ATP13A3: variants seen among roughly 807,000 people sequenced by gnomAD.
ATP13A3 encodes polyamine-transporting ATPase 13A3.
A neutral mutation model predicts 158.1 loss-of-function variants in ATP13A3; 59 were observed. The observed-to-expected ratio is 0.37, with a 90% CI of 0.30 to 0.46. ATP13A3 has a LOEUF of 0.46. Ranked by LOEUF, ATP13A3 falls within the 20% of genes least tolerant of loss-of-function variation. The pLI, the probability that ATP13A3 is intolerant of heterozygous loss-of-function variation, is 1.00. For synonymous variants in ATP13A3, 491 were observed against 504.3 expected (o/e 0.97, Z 0.35); for missense variants, 1,166 against 1,525.2 (o/e 0.76, Z 3.92).
intron 3 of ATP13A3, 60 bp from the exon 4 acceptor site, chr3:194,460,891 AAC>A (rs1295816016): frequency 6.6e-7 from 1 of 1,513,978 alleles, no homozygotes; most frequent in African/African-American, 1.4e-5. Context: ...ATGGCAGAGA[AAC>A]ACATTCCAAA....
intron 2 of ATP13A3, among the ~76,000 whole-genome samples, chr3:194,468,505 T>G (rs1432582519): frequency 1.3e-5 from 2 of 152,100 alleles, no homozygotes; most frequent in African/African-American, 2.4e-5. Flanking sequence ...ATGTAATTAC[T>G]ACAAACAATT....
At position 194,454,395 on chromosome 3, in the gene ATP13A3, A is replaced by G. The variant is rs1271675849; in HGVS notation, c.631-3T>C. On this transcript the variant is annotated splice_region_variant and splice_polypyrimidine_tract_variant and intron_variant, in intron 8 of 33. Coordinates refer to ENST00000645319, the MANE Select transcript of ATP13A3 (RefSeq NM_001367549.1). ...AAAATGTAAAATGGGTTGAGAACCT[A>G]AAAAACAAGATTTTAAAGTCAAACT... 7 of 1,607,886 alleles carry G rather than the reference A, an allele frequency of 4.4e-6. No homozygotes were observed. The South Asian group carries it at 6.6e-5, about 15-fold the overall frequency.
At chr3:194,467,476 T>G (rs1720064318) in intron 2 of ATP13A3, among the ~76,000 whole-genome samples, 1 of 152,216 alleles carries the variant, frequency 6.6e-6, no homozygotes, top group South Asian at 2.1e-4. Flanking sequence ...AGTTGTTTTT[T>G]AAAGCAAATT....
rs747418439 is a variant in ATP13A3 at position 194,431,040 on chromosome 3, A to C, written c.2545-18T>G. The stretch of plus-strand genomic sequence containing the variant: ...AACATCAACTGGAAACAATAATACA[A>C]ATTTTTTTAAAATACTGTTGCGATG... On this transcript the variant is annotated intron_variant, in intron 23 of 33. Coordinates refer to ENST00000645319, the MANE Select transcript of ATP13A3 (RefSeq NM_001367549.1). 5 of 1,613,366 alleles carry C rather than the reference A, an allele frequency of 3.1e-6. No individual in the cohort carries two copies. The African/African-American group carries it at 6.7e-5, about 22-fold the overall frequency.
At chr3:194,412,380 A>C in intron 32 of ATP13A3, 92 bp from the exon 33 acceptor site, 1 of 937,886 alleles carries the variant, frequency 1.1e-6, no homozygotes, top group Non-Finnish European at 1.6e-6. Flanking sequence ...ATGCTGCATA[A>C]TTGATGAAAA....
At chr3:194,488,418 A>T (rs1307299356), upstream of ATP13A3, 4 of 152,320 alleles carry the variant, frequency 2.6e-5, no homozygotes, top group Non-Finnish European at 5.9e-5. The surrounding 1 kb of genome is among the most constrained non-coding windows in gnomAD (Gnocchi z 4.1). Context: ...CCTCCTCCTG[A>T]AGTGCTCCCT....
chr3:194,440,573 T>C (rs967792347), intron 16 of ATP13A3, among the ~76,000 whole-genome samples: 5 of 152,144 alleles, frequency 3.3e-5, no homozygotes, highest in South Asian at 2.1e-4. Context: ...AGGGTAAAAT[T>C]TGAAGTAGCT....
chr3:194,459,901 G>A lies in ATP13A3; in HGVS notation c.296C>T (p.Pro99Leu). Residue 99 changes from proline (P) to leucine (L), a missense_variant, in exon 5 of 34, where the codon CCA becomes CTA. Pro to Leu is a moderately conservative substitution (Grantham distance 98). Around this residue, in one of 3 missense-constraint regions of ATP13A3, gnomAD observed 104 missense variants for 91.7 expected, o/e 1.13. Transcript: ENST00000645319. The stretch of plus-strand genomic sequence containing the variant: ...TGAAAGCTTATTAGACATAGATTTT[G>A]GACTTGAAACTGGGTAAGTTTCCAA... ...LSLETYPVSS[P>L]KSMSNKLSNG... The A allele has an allele frequency of 6.2e-7, 1 of 1,613,094 alleles. No individual in the cohort carries two copies. The highest frequency in any genetic ancestry group is 8.5e-7 in the Non-Finnish European group (1 of 1,179,520).
In ATP13A3 at chr3:194,454,595, A is replaced by G. The variant is rs138077591; in HGVS notation, c.631-203T>C. On this transcript the variant is annotated intron_variant, in intron 8 of 33. Coordinates refer to ENST00000645319, the MANE Select transcript of ATP13A3 (RefSeq NM_001367549.1). ...TGTAATCCCAGCACTTTGGGAGGCC[A>G]AGGCGGGCGGATCATGAGGTCAGGA... Among the ~76,000 whole-genome samples, 446 of 150,972 alleles carry G rather than the reference A, an allele frequency of 3.0e-3. 2 individuals carry two copies. Among genetic ancestry groups the G allele is most frequent in the Middle Eastern group, 0.01 (3 of 290 alleles).
chr3:194,478,366 A>G (rs573050085), intron 2 of ATP13A3, among the ~76,000 whole-genome samples: 1 of 151,976 alleles, frequency 6.6e-6, no homozygotes, highest in Non-Finnish European at 1.5e-5. Context: ...AACCAAGAAC[A>G]GAAAAGACTT....
chr3:194,438,271 T>G (rs1717803409), intron 17 of ATP13A3, among the ~76,000 whole-genome samples: 1 of 152,206 alleles, frequency 6.6e-6, no homozygotes, highest in Non-Finnish European at 1.5e-5. Flanking sequence ...TTTATTAGAA[T>G]CTTGGTAAAT....
intron 21 of ATP13A3, among the ~76,000 whole-genome samples, chr3:194,433,008 C>T (rs940311352): frequency 1.4e-4 from 22 of 151,910 alleles, no homozygotes; most frequent in African/African-American, 9.7e-5. Flanking sequence ...TTCATGCTAT[C>T]GAATATCTAT....
chr3:194,450,464 A>C, intron 10 of ATP13A3, 188 bp from the exon 11 acceptor site: 2 of 560,142 alleles, frequency 3.6e-6, no homozygotes, highest in Non-Finnish European at 6.2e-6. Context: ...TGTGTCAGCT[A>C]GTTAGTCTCC....
chr3:194,481,064 C>G (rs1720729367), intron 2 of ATP13A3, among the ~76,000 whole-genome samples: 1 of 152,178 alleles, frequency 6.6e-6, no homozygotes. Flanking sequence ...TTTGACTACA[C>G]AGGATTTTTA....
At chr3:194,447,749 A>AAATTTTAAGCTAATTT in intron 13 of ATP13A3, 103 bp downstream of exon 13, 1 of 1,035,636 alleles carries the variant, frequency 9.7e-7, no homozygotes, top group Non-Finnish European at 1.4e-6. Flanking sequence ...AATTAGCTTA[A>AAATTTTAAGCTAATTT]AATTTTAGTT....
chr3:194,471,324 T>TAAAAAAAAAAAAAAAAA (rs59967046), intron 2 of ATP13A3, among the ~76,000 whole-genome samples: 34 of 88,042 alleles, frequency 3.9e-4, no homozygotes, highest in African/African-American at 6.8e-4. Flanking sequence ...CAGCAAATTC[T>TAAAAAAAAAAAAAAAAA]AAAAAAAAAA....
chr3:194,408,644 C>T (rs1022134007), intron 33 of ATP13A3, among the ~76,000 whole-genome samples: 4 of 152,174 alleles, frequency 2.6e-5, no homozygotes, highest in African/African-American at 4.8e-5. Context: ...ACAGTGTACA[C>T]GTGTCACAAT....
intron 31 of ATP13A3, among the ~76,000 whole-genome samples, chr3:194,418,240 T>C (rs1716033379): frequency 6.6e-6 from 1 of 152,136 alleles, no homozygotes; most frequent in Non-Finnish European, 1.5e-5. Flanking sequence ...AGAGTATCTT[T>C]ATAACTTTGA....
rs867589229 is a variant in ATP13A3 at position 194,486,636 on chromosome 3, G to A, written c.-159C>T. On this transcript the variant is annotated 5_prime_UTR_variant, in exon 1 of 34. Coordinates refer to ENST00000645319, the MANE Select transcript of ATP13A3 (RefSeq NM_001367549.1). ...CCCTCGCGGCCGGACCAGCCCCAGG[G>A]ACCGCGGGGGACCCGGCCGCCGCTG... The A allele has an allele frequency of 3.2e-4, 47 of 148,896 alleles. No homozygotes were observed. The highest frequency in any genetic ancestry group is 1.1e-3 in the African/African-American group (46 of 40,868). 9.2% of individuals were successfully genotyped at this position (148,896 alleles called of 1,614,324 possible).
Sources: gnomAD v4.1 joint callset for allele counts (sites outside exome capture counted in the v4.1 genomes callset) on GRCh38, gnomAD v4.1.1 for gene constraint, gnomAD v4.1.1 regional missense constraint, Gnocchi (gnomAD v3.1) non-coding constraint, MANE v1.5 for transcripts, NCBI Gene and HGNC (gene_info 2026-07-23, HGNC 2026-07-21) for gene names.